The following NPSR1 variants were observed in gnomAD, a reference collection of about 807,000 sequenced individuals.
NPSR1 encodes the protein neuropeptide S receptor.
A neutral mutation model predicts 46.9 loss-of-function variants in NPSR1; 48 were observed. That is an observed-to-expected ratio of 1.02 (90% CI 0.81 to 1.30). The LOEUF (loss-of-function observed/expected upper bound fraction) is 1.30. Among genes scored for constraint, NPSR1 ranks in the 50% most tolerant of loss-of-function variants. NPSR1 has a pLI of 0.00. For synonymous variants in NPSR1, 176 were observed against 168.1 expected, an observed-to-expected ratio of 1.05 and a Z score of -0.36; for missense variants, 450 against 449.5, an observed-to-expected ratio of 1.00 and a Z score of -0.01.
chr7:34,676,437 G>A (rs1191258058), intron 1 of NPSR1, among the ~76,000 whole-genome samples: 1 of 152,130 alleles, frequency 6.6e-6, no homozygotes, highest in Non-Finnish European at 1.5e-5. Flanking sequence ...ACCTAGTTGT[G>A]ATATTCTCAC....
At chr7:34,756,083 G>T (rs1279895930) in intron 2 of NPSR1, among the ~76,000 whole-genome samples, 2 of 152,196 alleles carry the variant, frequency 1.3e-5, no homozygotes, top group Non-Finnish European at 2.9e-5. Context: ...TCAGCTGGGA[G>T]TTCAGGGAGC....
At chr7:34,665,521 C>T (rs1023024685) in intron 1 of NPSR1, among the ~76,000 whole-genome samples, 1 of 152,164 alleles carries the variant, frequency 6.6e-6, no homozygotes, top group Non-Finnish European at 1.5e-5. Flanking sequence ...GACCCAATCA[C>T]CTTCTCTACT....
chr7:34,786,406 A>G (rs181512400), intron 3 of NPSR1, among the ~76,000 whole-genome samples: 234 of 152,270 alleles, frequency 1.5e-3, no homozygotes, highest in Non-Finnish European at 2.6e-3. Flanking sequence ...CTTTCGCAGT[A>G]CCTTTCTCCA....
At chr7:34,861,891 C>A (rs1791199274) in intron 8 of NPSR1, among the ~76,000 whole-genome samples, 1 of 151,772 alleles carries the variant, frequency 6.6e-6, no homozygotes, top group African/African-American at 2.4e-5. Flanking sequence ...AGAACCCACC[C>A]CTGATATCCC....
chr7:34,733,561 T>C (rs1219490741), intron 2 of NPSR1, among the ~76,000 whole-genome samples: 1 of 152,226 alleles, frequency 6.6e-6, no homozygotes, highest in African/African-American at 2.4e-5. Context: ...AGAATTTAGA[T>C]TCTCTTTGTG....
chr7:34,790,839 A>ATAGGTTATATGTTATGT (rs1787744696), intron 3 of NPSR1, among the ~76,000 whole-genome samples: 1 of 125,924 alleles, frequency 7.9e-6, no homozygotes, highest in Non-Finnish European at 1.7e-5. Flanking sequence ...ATGTTATGTT[A>ATAGGTTATATGTTATGT]TATATATGTT....
chr7:34,699,564 G>A (rs138940986), intron 2 of NPSR1, among the ~76,000 whole-genome samples: 78 of 152,262 alleles, frequency 5.1e-4, no homozygotes, highest in African/African-American at 1.8e-3. Flanking sequence ...TAGGGTGCCA[G>A]CATGGTGTGG....
At chr7:34,737,938 C>T (rs1482539336) in intron 2 of NPSR1, among the ~76,000 whole-genome samples, 1 of 152,114 alleles carries the variant, frequency 6.6e-6, no homozygotes, top group South Asian at 2.1e-4. Flanking sequence ...ATGTTTACTG[C>T]CTATATCCCA....
intron 8 of NPSR1, among the ~76,000 whole-genome samples, chr7:34,855,116 G>A (rs901745143): frequency 2.6e-5 from 4 of 151,952 alleles, no homozygotes; most frequent in South Asian, 2.1e-4. Flanking sequence ...TGTATTAAAT[G>A]TATAGGATAC....
chr7:34,818,408 GA>G (rs1789365998), intron 4 of NPSR1, among the ~76,000 whole-genome samples: 1 of 152,238 alleles, frequency 6.6e-6, no homozygotes, highest in Middle Eastern at 3.4e-3. Flanking sequence ...ACTGCGCAAG[GA>G]AATAAAAGAG....
intron 2 of NPSR1, chr7:34,750,916 C>T: frequency 8.2e-6 from 6 of 735,880 alleles, no homozygotes. Flanking sequence ...ACTTCCTCCA[C>T]CCCCAGCTCG....
At chr7:34,814,086 G>A (rs911044342) in intron 4 of NPSR1, among the ~76,000 whole-genome samples, 3 of 152,212 alleles carry the variant, frequency 2.0e-5, no homozygotes, top group Non-Finnish European at 2.9e-5. Context: ...CATGGAGGGT[G>A]AGCCAAAGCA....
At chr7:34,691,046 A>T (rs1793224523) in intron 2 of NPSR1, among the ~76,000 whole-genome samples, 1 of 152,196 alleles carries the variant, frequency 6.6e-6, no homozygotes. Flanking sequence ...GAAACCCTAC[A>T]TGCCAGAAGA....
intron 1 of NPSR1, among the ~76,000 whole-genome samples, chr7:34,660,981 C>T (rs117646260): frequency 6.6e-6 from 1 of 152,190 alleles, no homozygotes; most frequent in Non-Finnish European, 1.5e-5. Context: ...TTACAGTCCT[C>T]AAGCTCCTTG....
chr7:34,708,938 A>G (rs1288830406), intron 2 of NPSR1, among the ~76,000 whole-genome samples: 1 of 152,132 alleles, frequency 6.6e-6, no homozygotes, highest in Non-Finnish European at 1.5e-5. Context: ...TGAGGTAAAT[A>G]TTCCCATTTT....
At chr7:34,675,268 C>T (rs2128677348) in intron 1 of NPSR1, among the ~76,000 whole-genome samples, 1 of 152,254 alleles carries the variant, frequency 6.6e-6, no homozygotes, top group South Asian at 2.1e-4. Context: ...CTCAGTAAGC[C>T]ATGTACTGGA....
At chr7:34,821,514 A>G (rs190312004) in intron 4 of NPSR1, among the ~76,000 whole-genome samples, 135 of 152,306 alleles carry the variant, frequency 8.9e-4, no homozygotes, top group African/African-American at 3.2e-3. Flanking sequence ...CATCGACGCC[A>G]AAGTATTTTA....
intron 2 of NPSR1, among the ~76,000 whole-genome samples, chr7:34,769,511 A>C (rs949161608): frequency 3.3e-5 from 5 of 152,142 alleles, no homozygotes; most frequent in Non-Finnish European, 5.9e-5. Context: ...CTGCAGACCC[A>C]TTTTTGCCAC....
At chr7:34,750,968 G>T (rs1785490588) in intron 2 of NPSR1, 1 of 765,102 alleles carries the variant, frequency 1.3e-6, no homozygotes, top group East Asian at 2.6e-5. Flanking sequence ...GGAGACTATA[G>T]ATTGCATTGC....
Sources: allele counts gnomAD v4.1 joint callset (sites outside exome capture counted in the v4.1 genomes callset), GRCh38; gene constraint gnomAD v4.1.1; transcripts MANE v1.5; gene names NCBI Gene and HGNC (gene_info 2026-07-23, HGNC 2026-07-21).